ELF5: variants seen among roughly 807,000 people sequenced by gnomAD.
ELF5 encodes the protein E74 like ETS transcription factor 5, also known as ETS-related transcription factor Elf-5.
A neutral mutation model predicts 38.2 loss-of-function variants in ELF5; 31 were observed. The observed-to-expected ratio is 0.81, with a 90% confidence interval of 0.61 to 1.10. ELF5 has a LOEUF of 1.10. ELF5 is among the 50% of genes least tolerant of loss of function. ELF5 has a pLI of 0.00. For synonymous variants in ELF5, 121 were observed against 112.5 expected (o/e 1.08, Z -0.48); for missense variants, 300 against 306.6 (o/e 0.98, Z 0.16).
intron 2 of ELF5, among the ~76,000 whole-genome samples, chr11:34,500,476 T>A (rs16925673): frequency 0.13 from 20,061 of 152,258 alleles, 1,471 homozygotes; most frequent in Admixed American, 0.21. Context: ...ATGGAAAAGT[T>A]AAGTCCAGTG....
At chr11:34,481,299 C>T (rs1407648615) in intron 5 of ELF5, among the ~76,000 whole-genome samples, 2 of 152,156 alleles carry the variant, frequency 1.3e-5, no homozygotes, top group Non-Finnish European at 2.9e-5. Flanking sequence ...GCTGGGATTA[C>T]AGGTGTGAGC....
intron 3 of ELF5, among the ~76,000 whole-genome samples, chr11:34,490,464 C>A (rs902211140): frequency 1.3e-5 from 2 of 152,198 alleles, no homozygotes; most frequent in African/African-American, 4.8e-5. Flanking sequence ...ATAAAATACC[C>A]ACTAAGCTCC....
intron 1 of ELF5, among the ~76,000 whole-genome samples, chr11:34,512,138 G>A (rs1850776429): frequency 6.6e-6 from 1 of 152,162 alleles, no homozygotes; most frequent in African/African-American, 2.4e-5. Context: ...CCCTAAGAAG[G>A]GGCCCACTGA....
At chr11:34,480,626 C>T in intron 6 of ELF5, 146 bp downstream of exon 6, 1 of 846,192 alleles carries the variant, frequency 1.2e-6, no homozygotes, top group Non-Finnish European at 1.8e-6. Context: ...AAACCATAAT[C>T]CTACCTGTAA....
Position 34,479,262 on chromosome 11 carries a change from C to T in ELF5, c.*956G>A, listed in dbSNP as rs1203452244. On this transcript the variant is annotated 3_prime_UTR_variant, in exon 7 of 7. Transcript: ENST00000257832. ...TTAACATCTGGACCTGAGATGGAAT[C>T]AATGAATTTCGATTTTATTGTGTTG... The T allele has an allele frequency of 6.6e-6, 1 of 152,464 alleles. No homozygotes were observed. Among genetic ancestry groups the T allele is most frequent in the African/African-American group, 2.4e-5 (1 of 41,446 alleles). The allele number at this position is 152,464 out of a possible 1,614,324, so 9.4% of individuals were successfully genotyped here.
At chr11:34,504,738 C>T (rs1331910664) in intron 2 of ELF5, among the ~76,000 whole-genome samples, 1 of 152,200 alleles carries the variant, frequency 6.6e-6, no homozygotes, top group Non-Finnish European at 1.5e-5. Context: ...CACCCAAGCA[C>T]CTCAGTGACA....
chr11:34,508,533 TAAA>T (rs1189860379), intron 1 of ELF5, among the ~76,000 whole-genome samples: 2 of 151,820 alleles, frequency 1.3e-5, no homozygotes, highest in Admixed American at 6.6e-5. Flanking sequence ...AAATAAAAAA[TAAA>T]AAAAACTTTA....
intron 5 of ELF5, among the ~76,000 whole-genome samples, chr11:34,482,064 A>G (rs1304864383): frequency 2.0e-5 from 3 of 152,196 alleles, no homozygotes; most frequent in African/African-American, 7.2e-5. Flanking sequence ...TGGACCCAGG[A>G]TTGGATCTGG....
At chr11:34,490,930 G>A (rs951129140) in intron 3 of ELF5, among the ~76,000 whole-genome samples, 1 of 152,082 alleles carries the variant, frequency 6.6e-6, no homozygotes, top group Non-Finnish European at 1.5e-5. Context: ...CCCCTCCTAG[G>A]CTGTGGAAGC....
chr11:34,480,922 A>G lies in ELF5; in HGVS notation c.521T>C (p.Leu174Pro). The change falls in exon 6 of 7, where the codon CTA becomes CCA. Residue 174 changes from leucine to proline, a missense_variant. Physicochemically the swap from Leu to Pro is moderately conservative, Grantham distance 98 (BLOSUM62 -3). Transcript: ENST00000257832. ...AATGCCACAGTTTTCTTCAGGAGAT[A>G]GAAGCAGGTCTCGTACAAATTCCCA... ...HLWEFVRDLLLSPEENCGILE... is the reference protein window; with the variant it reads ...HLWEFVRDLLPSPEENCGILE... The G allele has an allele frequency of 6.2e-7, 1 of 1,614,134 alleles. No homozygotes were observed.
At chr11:34,483,266 G>A (rs1453711373) in intron 4 of ELF5, among the ~76,000 whole-genome samples, 3 of 151,746 alleles carry the variant, frequency 2.0e-5, no homozygotes, top group African/African-American at 4.9e-5. Flanking sequence ...ACTCAAGTTG[G>A]GTCTGCACAT....
At chr11:34,493,079 T>A (rs1850217792) in intron 3 of ELF5, 1 of 304,348 alleles carries the variant, frequency 3.3e-6, no homozygotes, top group Admixed American at 4.6e-5. Flanking sequence ...TTAGTTGGAC[T>A]CCTGTAGAAA....
intron 1 of ELF5, among the ~76,000 whole-genome samples, chr11:34,509,330 A>C (rs1161711025): frequency 1.3e-5 from 2 of 152,000 alleles, no homozygotes; most frequent in East Asian, 1.9e-4. Context: ...TCTGTCTCGA[A>C]AACAACAACA....
Position 34,480,971 on chromosome 11 carries a change from T to C in ELF5, c.476-4A>G, listed in dbSNP as rs1856929385. The C allele has an allele frequency of 1.3e-6, 2 of 1,591,978 alleles. No individual in the cohort carries two copies. Among genetic ancestry groups the C allele is most frequent in the Non-Finnish European group, 1.7e-6 (2 of 1,172,130 alleles). On this transcript the variant is annotated splice_region_variant and splice_polypyrimidine_tract_variant and intron_variant, in intron 5 of 6. Transcript: ENST00000257832. Reference sequence around the variant, plus strand: ...CATAGATGAGAACTTTGGAGGCCTTTTGAAAAGGGGAAAACATTAACTATT... The same window carrying C: ...CATAGATGAGAACTTTGGAGGCCTTCTGAAAAGGGGAAAACATTAACTATT...
rs180774774 is a variant in ELF5, at chr11:34,494,157, G to A, written c.122-445C>T. On this transcript the variant is annotated intron_variant, in intron 2 of 6. Transcript: ENST00000257832. ...TCTCAGTTTCCTCATCTGTAAAATG[G>A]GGATAATATGCTCAATGCCCAGGAC... Among the ~76,000 whole-genome samples the A allele has an allele frequency of 1.9e-4, 29 of 152,302 alleles. No individual in the cohort carries two copies. In the East Asian group the frequency reaches 3.7e-3, roughly 19 times the overall value.
chr11:34,481,689 G>A (rs562426721), intron 5 of ELF5, among the ~76,000 whole-genome samples: 4 of 152,288 alleles, frequency 2.6e-5, no homozygotes, highest in African/African-American at 9.6e-5. Context: ...TTTCATGAAA[G>A]GCTGGTATTT....
intron 2 of ELF5, among the ~76,000 whole-genome samples, chr11:34,495,237 G>A (rs926328476): frequency 2.6e-5 from 4 of 152,222 alleles, no homozygotes; most frequent in African/African-American, 9.6e-5. Flanking sequence ...TGAAAAGAAA[G>A]GCAGAGAGCA....
At chr11:34,488,633 G>T (rs1325557403) in intron 4 of ELF5, among the ~76,000 whole-genome samples, 1 of 152,150 alleles carries the variant, frequency 6.6e-6, no homozygotes, top group Non-Finnish European at 1.5e-5. Flanking sequence ...ATATATTCAG[G>T]TTACACCTAC....
At chr11:34,482,925 G>T (rs541102189) in intron 4 of ELF5, among the ~76,000 whole-genome samples, 12 of 152,068 alleles carry the variant, frequency 7.9e-5, no homozygotes, top group Admixed American at 2.6e-4. Flanking sequence ...CGTTAACTCC[G>T]TGCTGATTTA....
Sources: allele counts gnomAD v4.1 joint callset (sites outside exome capture counted in the v4.1 genomes callset), GRCh38; gene constraint gnomAD v4.1.1; transcripts MANE v1.5; gene names NCBI Gene and HGNC (gene_info 2026-07-23, HGNC 2026-07-21).